TMEFF1: variants seen among roughly 807,000 people sequenced by gnomAD.
The protein encoded by TMEFF1 is tomoregulin-1.
In TMEFF1, 20 loss-of-function variants were observed where a neutral mutation model predicts 47.5. That is an observed-to-expected ratio of 0.42 (90% CI 0.30 to 0.61). TMEFF1 has a LOEUF of 0.61. Ranked by LOEUF, TMEFF1 falls within the 20% of genes least tolerant of loss-of-function variation. The probability of loss-of-function intolerance (pLI) is 0.19; values close to 1 mark genes in which losing one functional copy is unlikely to be tolerated. For synonymous variants in TMEFF1, 162 were observed against 166.3 expected (o/e 0.97, Z 0.20); for missense variants, 411 against 471.1 (o/e 0.87, Z 1.18).
intron 1 of TMEFF1, among the ~76,000 whole-genome samples, chr9:100,478,559 C>A (rs574383467): frequency 6.6e-6 from 1 of 152,096 alleles, no homozygotes; most frequent in African/African-American, 2.4e-5. Context: ...GTCCTCTTGC[C>A]CCAGTTCTCC....
chr9:100,533,666 G>T (rs1387336700), intron 5 of TMEFF1, among the ~76,000 whole-genome samples: 1 of 150,684 alleles, frequency 6.6e-6, no homozygotes, highest in African/African-American at 2.4e-5. Context: ...TTTTTCTGTT[G>T]TTCATTTTCT....
chr9:100,525,549 C>T lies in TMEFF1; in HGVS notation c.560+8778C>T, dbSNP rs182473031. Among the ~76,000 whole-genome samples, 18 of 152,096 alleles carry T rather than the reference C, an allele frequency of 1.2e-4. No individual in the cohort carries two copies. In the East Asian group the frequency reaches 2.7e-3, roughly 23 times the overall value. ...GCACCACCGAGATGTGCTCCCTCAC[C>T]GGAAGCTCCCGAACCCCCCGTATTC... On this transcript the variant is annotated intron_variant, in intron 5 of 9. Transcript: ENST00000374879.
rs915528732 is a variant in TMEFF1, at chr9:100,576,370, A to G, written c.1059-146A>G. On this transcript the variant is annotated intron_variant, in intron 9 of 9. Transcript: ENST00000374879. Reference sequence around the variant, plus strand: ...GTGTTCATCTTCATCTTGTCTTGCAACAGATACCATCTCATTTCCCTTTCA... The same window carrying G: ...GTGTTCATCTTCATCTTGTCTTGCAGCAGATACCATCTCATTTCCCTTTCA... 20 of 1,028,092 alleles carry G rather than the reference A, an allele frequency of 1.9e-5. No homozygotes were observed. The African/African-American group carries it at 3.3e-4, about 17-fold the overall frequency. 63.7% of individuals were successfully genotyped at this position (1,028,092 alleles called of 1,614,324 possible). A position where few individuals can be genotyped will look rare whatever the true frequency, so the allele number is the denominator to read the frequency against.
rs1006073075 is a variant in TMEFF1, at chr9:100,539,686, G to T, written c.561-8058G>T. On this transcript the variant is annotated intron_variant, in intron 5 of 9. Transcript: ENST00000374879. ...AGAGTGAGCAGCAGCAAGATTTATT[G>T]TGAAGAGTGAAAGAACAAAGCTTCC... 3.9e-5 allele frequency among the ~76,000 whole-genome samples: 6 copies of T among 152,292 alleles called. No homozygotes were observed. In the East Asian group the frequency reaches 9.7e-4, roughly 25 times the overall value.
chr9:100,496,398 C>T (rs987155774), intron 1 of TMEFF1, among the ~76,000 whole-genome samples: 18 of 152,170 alleles, frequency 1.2e-4, no homozygotes, highest in African/African-American at 3.9e-4. Context: ...TACCACCATG[C>T]CCAGCTAATT....
intron 1 of TMEFF1, among the ~76,000 whole-genome samples, chr9:100,495,172 G>A (rs1174873474): frequency 6.6e-6 from 1 of 152,016 alleles, no homozygotes; most frequent in African/African-American, 2.4e-5. Context: ...AATATTGTTT[G>A]TGTGTACTAT....
At chr9:100,504,812 A>C (rs1414908474) in intron 2 of TMEFF1, among the ~76,000 whole-genome samples, 2 of 152,188 alleles carry the variant, frequency 1.3e-5, no homozygotes, top group Non-Finnish European at 1.5e-5. Context: ...AAGTTAGGAC[A>C]CTTAAAGTTG....
chr9:100,545,861 C>A (rs558008834), intron 5 of TMEFF1, among the ~76,000 whole-genome samples: 8 of 152,296 alleles, frequency 5.3e-5, no homozygotes, highest in Admixed American at 1.3e-4. Flanking sequence ...GGGCAAAATG[C>A]CACCAATCTC....
chr9:100,571,419 GA>G (rs1379248810), intron 8 of TMEFF1, among the ~76,000 whole-genome samples: 3 of 152,038 alleles, frequency 2.0e-5, no homozygotes, highest in Non-Finnish European at 4.4e-5. Context: ...TTTCTGTTTT[GA>G]AATTATATGT....
At chr9:100,490,315 A>G (rs1408998140) in intron 1 of TMEFF1, among the ~76,000 whole-genome samples, 1 of 152,234 alleles carries the variant, frequency 6.6e-6, no homozygotes, top group South Asian at 2.1e-4. Flanking sequence ...GATAACTAAT[A>G]TGATTAGTAA....
rs1402431909 is a variant in TMEFF1 at position 100,536,985 on chromosome 9, G to C, written c.561-10759G>C. Among the ~76,000 whole-genome samples the C allele has an allele frequency of 4.6e-5, 7 of 152,208 alleles. No homozygotes were observed. In the East Asian group the frequency reaches 1.3e-3, roughly 29 times the overall value. Reference sequence around the variant, plus strand: ...GTCAACATTATGAATATGTCAGTCTGAAGAGATGTTACATGATAGAATTAG... The same window carrying C: ...GTCAACATTATGAATATGTCAGTCTCAAGAGATGTTACATGATAGAATTAG... On this transcript the variant is annotated intron_variant, in intron 5 of 9. Coordinates refer to ENST00000374879, the MANE Select transcript of TMEFF1 (RefSeq NM_003692.5).
intron 5 of TMEFF1, among the ~76,000 whole-genome samples, chr9:100,541,585 G>A (rs912995982): frequency 6.6e-6 from 1 of 151,806 alleles, no homozygotes; most frequent in African/African-American, 2.4e-5. Flanking sequence ...CGTTGGCCAG[G>A]TGGGTCTCAA....
In TMEFF1 at chr9:100,489,435, C is replaced by T. The variant is rs542635784; in HGVS notation, c.197-9330C>T. Among the ~76,000 whole-genome samples the T allele has an allele frequency of 7.9e-4, 121 of 152,336 alleles. 1 individual carries two copies. Among genetic ancestry groups the T allele is most frequent in the Admixed American group, 5.0e-3 (76 of 15,298 alleles). ...CAAACTCCTGGGCTCAAGCAATCCT[C>T]CTGCCTTGGCCTCCCAAAGTGTTGG... On this transcript the variant is annotated intron_variant, in intron 1 of 9. Transcript: ENST00000374879.
At chr9:100,550,279 C>A in intron 7 of TMEFF1, 119 bp downstream of exon 7, 1 of 852,198 alleles carries the variant, frequency 1.2e-6, no homozygotes, top group Non-Finnish European at 1.7e-6. Context: ...TAGTAATATA[C>A]CTAACACAGT....
chr9:100,518,652 A>C (rs745589600), intron 5 of TMEFF1: 2 of 257,552 alleles, frequency 7.8e-6, no homozygotes, highest in Non-Finnish European at 1.2e-5. Context: ...GAAAGAGACA[A>C]AAGGAAATGT....
At chr9:100,562,493 A>G (rs1025575936) in intron 8 of TMEFF1, among the ~76,000 whole-genome samples, 1 of 152,166 alleles carries the variant, frequency 6.6e-6, no homozygotes, top group African/African-American at 2.4e-5. Context: ...TAATGGTTGA[A>G]TAGTTCTTTA....
intron 2 of TMEFF1, among the ~76,000 whole-genome samples, chr9:100,501,829 GA>G (rs1837767882): frequency 6.6e-6 from 1 of 152,068 alleles, no homozygotes; most frequent in African/African-American, 2.4e-5. Context: ...GTTTTTAGTA[GA>G]GACGGGATTT....
chr9:100,506,727 A>G (rs1375682082), intron 2 of TMEFF1, among the ~76,000 whole-genome samples: 2 of 146,286 alleles, frequency 1.4e-5, no homozygotes, highest in African/African-American at 2.5e-5. Context: ...AGACCATGCC[A>G]CTGCTCTCCA....
At position 100,473,626 on chromosome 9, in the gene TMEFF1, C is replaced by G; in HGVS notation, c.82C>G (p.Leu28Val). ...LAFCCYTSVL[L>V]LFAFSLPGSR... ...CTTCTGCTGCTACACGTCGGTGCTT[C>G]TGCTCTTCGCCTTCTCTCTGCCCGG... The change falls in exon 1 of 10, where the codon CTG becomes GTG. Residue 28 changes from leucine to valine, a missense_variant. Coordinates refer to ENST00000374879, the MANE Select transcript of TMEFF1 (RefSeq NM_003692.5). The surrounding 1 kb of genome is among the most constrained non-coding windows in gnomAD (Gnocchi z 5.4). The G allele has an allele frequency of 6.4e-7, 1 of 1,559,486 alleles. No homozygotes were observed. Among genetic ancestry groups the G allele is most frequent in the South Asian group, 1.2e-5 (1 of 83,974 alleles).
Sources: gnomAD v4.1 joint callset for allele counts (sites outside exome capture counted in the v4.1 genomes callset) on GRCh38, gnomAD v4.1.1 for gene constraint, Gnocchi (gnomAD v3.1) non-coding constraint, MANE v1.5 for transcripts, NCBI Gene and HGNC (gene_info 2026-07-23, HGNC 2026-07-21) for gene names.